EIF4A2: variants seen among roughly 807,000 people sequenced by gnomAD.
EIF4A2 encodes eukaryotic translation initiation factor 4A2, also known as eukaryotic initiation factor 4A-II.
In EIF4A2, 9 loss-of-function variants were observed where a neutral mutation model predicts 50.6. The observed-to-expected ratio is 0.18, with a 90% CI of 0.11 to 0.31. The LOEUF (loss-of-function observed/expected upper bound fraction) is 0.31, where lower values mean the gene tolerates loss of function less well. EIF4A2 is among the 10% of genes least tolerant of loss of function. The pLI, the probability that EIF4A2 is intolerant of heterozygous loss-of-function variation, is 1.00. For missense variants in EIF4A2, 182 were observed against 501.8 expected, an observed-to-expected ratio of 0.36 and a Z score of 6.09; for synonymous variants, 215 against 164.4, an observed-to-expected ratio of 1.31 and a Z score of -2.35.
intron 10 of EIF4A2, chr3:186,788,226 G>T (rs1015705019): frequency 8.5e-6 from 10 of 1,173,826 alleles, no homozygotes; most frequent in South Asian, 1.3e-5. Context: ...GTGAACCCTG[G>T]TTTAGTTATA....
rs1398957140 is a variant in EIF4A2, at chr3:186,785,011, A to G, written c.258A>G (p.Thr86=). The G allele has an allele frequency of 6.2e-7, 1 of 1,614,178 alleles. No homozygotes were observed. The highest frequency in any genetic ancestry group is 1.3e-5 in the African/African-American group (1 of 75,040). ...QAQSGTGKTA[T]FAISILQQLE... ...AGTCAGGTACTGGCAAGACAGCCAC[A>G]TTTGCTATTTCCATCCTGCAACAGT... Residue 86 remains threonine, a synonymous_variant, in exon 4 of 11, where the codon ACA becomes ACG. Coordinates refer to ENST00000323963, the MANE Select transcript of EIF4A2 (RefSeq NM_001967.4).
chr3:186,788,828 G>T, intron 10 of EIF4A2: 1 of 312,610 alleles, frequency 3.2e-6, no homozygotes, highest in Non-Finnish European at 5.9e-6. Flanking sequence ...GGCCCACTTT[G>T]GTATGGGCTT....
At chr3:186,788,963 A>T (rs1579170397) in intron 10 of EIF4A2, 162 bp from the exon 11 acceptor site, 3 of 1,038,232 alleles carry the variant, frequency 2.9e-6, no homozygotes, top group East Asian at 5.8e-5. Flanking sequence ...GCAAAGGAAG[A>T]TTTTTTTCTC....
intron 6 of EIF4A2, 67 bp from the exon 7 acceptor site, chr3:186,786,435 G>A: frequency 6.3e-7 from 1 of 1,582,732 alleles, no homozygotes; most frequent in South Asian, 1.2e-5. Context: ...GAGACGCTTG[G>A]CTTCAGACAT....
rs1034915906 is a variant in EIF4A2 at position 186,785,245 on chromosome 3, G to C, written c.348+144G>C. 5.3e-5 allele frequency: 68 copies of C among 1,277,170 alleles called. 1 individual carries two copies. The East Asian group carries it at 1.6e-3, about 30-fold the overall frequency. 79.1% of individuals were successfully genotyped at this position (1,277,170 alleles called of 1,614,324 possible). On this transcript the variant is annotated intron_variant, in intron 4 of 10. Transcript: ENST00000323963. ...TCCATGCATGCAGGGAGTTTTTGTT[G>C]AAAGTTTTAAAAGAACTGGGTATGC...
intron 4 of EIF4A2, 160 bp downstream of exon 4, chr3:186,785,261 C>G: frequency 9.7e-7 from 1 of 1,028,700 alleles, no homozygotes; most frequent in South Asian, 1.6e-5. Flanking sequence ...TTTAAAAGAA[C>G]TGGGTATGCA....
rs1722006006 is a variant in EIF4A2 at position 186,789,765 on chromosome 3, T to C, written c.*496T>C. ...ATTCAATAAAGTATTTAATTAGTGC[T>C]AAGTGTGAACTGGACCCTGTTGCTA... On this transcript the variant is annotated 3_prime_UTR_variant, in exon 11 of 11. Coordinates refer to ENST00000323963, the MANE Select transcript of EIF4A2 (RefSeq NM_001967.4). The C allele has an allele frequency of 1.9e-6, 1 of 538,954 alleles. No homozygotes were observed. The highest frequency in any genetic ancestry group is 3.3e-6 in the Non-Finnish European group (1 of 305,092). 33.4% of individuals were successfully genotyped at this position (538,954 alleles called of 1,614,324 possible). A position where few individuals can be genotyped will look rare whatever the true frequency, so the allele number is the denominator to read the frequency against.
intron 10 of EIF4A2, chr3:186,788,317 TAGC>T (rs1405485385): frequency 2.3e-5 from 30 of 1,290,624 alleles, no homozygotes; most frequent in Non-Finnish European, 2.7e-5. Flanking sequence ...CAGGAGTCGA[TAGC>T]AGCAGTTGGT....
At position 186,785,869 on chromosome 3, in the gene EIF4A2, G is replaced by A. The variant is rs1184272048; in HGVS notation, c.349-14G>A. ...TGGAGTTCTGCGGAATAATAATTAA[G>A]GCTTGGGTTTTAGATCCAAAAGGTA... On this transcript the variant is annotated splice_polypyrimidine_tract_variant and intron_variant, in intron 4 of 10. Transcript: ENST00000323963. 6.3e-7 allele frequency: 1 copy of A among 1,584,912 alleles called. No individual in the cohort carries two copies. The highest frequency in any genetic ancestry group is 1.1e-5 in the South Asian group (1 of 90,096).
In EIF4A2 at chr3:186,785,829, A is replaced by G. The variant is rs116280135; in HGVS notation, c.349-54A>G. Reference sequence around the variant, plus strand: ...TTATATTTGCCTTTATGCTTTAAAAATTAGTCATTGATCCTGGAGTTCTGC... The same window carrying G: ...TTATATTTGCCTTTATGCTTTAAAAGTTAGTCATTGATCCTGGAGTTCTGC... On this transcript the variant is annotated intron_variant, in intron 4 of 10. Coordinates refer to ENST00000323963, the MANE Select transcript of EIF4A2 (RefSeq NM_001967.4). 1.4e-3 allele frequency: 2,236 copies of G among 1,554,638 alleles called. 28 individuals are homozygous for G. In the African/African-American group the frequency reaches 0.027, roughly 19 times the overall value.
At chr3:186,787,637 G>T in intron 9 of EIF4A2, 53 bp downstream of exon 9, 1 of 1,610,700 alleles carries the variant, frequency 6.2e-7, no homozygotes, top group South Asian at 1.1e-5. Context: ...TTTTTGGGGG[G>T]CAGGTTTTTA....
rs1405993038 is a variant in EIF4A2, at chr3:186,789,091, G to A, written c.1080-34G>A. 3.7e-6 allele frequency: 6 copies of A among 1,605,416 alleles called. No individual in the cohort carries two copies. The African/African-American group carries it at 5.4e-5, about 14-fold the overall frequency. On this transcript the variant is annotated intron_variant, in intron 10 of 10. Transcript: ENST00000323963. ...ATGTTCAGTAGTTTATACATTATGTGAGAAGTAACGTTCTGATTCTTTTTC... is the reference window on the plus strand; with the variant it reads ...ATGTTCAGTAGTTTATACATTATGTAAGAAGTAACGTTCTGATTCTTTTTC...
chr3:186,783,686 C>T (rs867689790), intron 1 of EIF4A2, 47 bp downstream of exon 1: 2 of 1,613,804 alleles, frequency 1.2e-6, no homozygotes, highest in South Asian at 1.1e-5. Flanking sequence ...GGTCATAGGG[C>T]GCCAGGGGAG....
Position 186,788,341 on chromosome 3 carries a change from CACTCAGA to C in EIF4A2, c.1079+461_1079+467del, listed in dbSNP as rs533900098. ...ATAGCAGCAGTTGGTGACGAGATGG[CACTCAGA>C]AACGGCGTTGACGTAATTTAGGACG... On this transcript the variant is annotated intron_variant, in intron 10 of 10. Transcript: ENST00000323963. 3.4e-4 allele frequency: 436 copies of C among 1,289,996 alleles called. 1 individual carries two copies. Among genetic ancestry groups the C allele is most frequent in the Non-Finnish European group, 4.0e-4 (399 of 989,220 alleles). The allele number at this position is 1,289,996 out of a possible 1,614,324, so 79.9% of individuals were successfully genotyped here.
At chr3:186,785,215 A>C in intron 4 of EIF4A2, 114 bp downstream of exon 4, 1 of 1,466,310 alleles carries the variant, frequency 6.8e-7, no homozygotes, top group Non-Finnish European at 9.2e-7. Flanking sequence ...CCCTCCTTTT[A>C]ATTGTCCATG....
intron 4 of EIF4A2, 31 bp from the exon 5 acceptor site, chr3:186,785,851 CT>C (rs1721674359): frequency 6.3e-7 from 1 of 1,575,270 alleles, no homozygotes. Flanking sequence ...TCCTGGAGTT[CT>C]GCGGAATAAT....
intron 5 of EIF4A2, 46 bp downstream of exon 5, chr3:186,786,097 T>C: frequency 6.2e-7 from 1 of 1,601,336 alleles, no homozygotes; most frequent in Non-Finnish European, 8.6e-7. Context: ...ACTGTTAACA[T>C]AGTTGAAAAG....
intron 8 of EIF4A2, 74 bp from the exon 9 acceptor site, chr3:186,787,421 G>T: frequency 6.2e-7 from 1 of 1,609,158 alleles, no homozygotes. Flanking sequence ...GGGACGCTTG[G>T]TCTCATACAT....
In EIF4A2 at chr3:186,787,935, T is replaced by C. The variant is rs555321427; in HGVS notation, c.1079+53T>C. 8 of 1,572,234 alleles carry C rather than the reference T, an allele frequency of 5.1e-6. No homozygotes were observed. In the East Asian group the frequency reaches 1.8e-4, roughly 35 times the overall value. The stretch of plus-strand genomic sequence containing the variant: ...GAAAAAAATTCATACGTTTTTCTAC[T>C]GTGATTTGTATGAAAGGTAACATCA... On this transcript the variant is annotated intron_variant, in intron 10 of 10. Coordinates refer to ENST00000323963, the MANE Select transcript of EIF4A2 (RefSeq NM_001967.4).
Sources: allele counts gnomAD v4.1 joint callset, GRCh38; gene constraint gnomAD v4.1.1; transcripts MANE v1.5; gene names NCBI Gene and HGNC (gene_info 2026-07-23, HGNC 2026-07-21).